RPH3A: variants seen among roughly 807,000 people sequenced by gnomAD.
The protein encoded by RPH3A is rabphilin-3A.
In RPH3A, 48 loss-of-function variants were observed where a neutral mutation model predicts 102.2. The observed-to-expected ratio is 0.47, with a 90% CI of 0.37 to 0.60. The LOEUF is 0.60. Among genes scored for constraint, RPH3A ranks in the 20% least tolerant of loss-of-function variants. The pLI, the probability that RPH3A is intolerant of heterozygous loss-of-function variation, is 0.00. For missense variants in RPH3A, 781 were observed against 910.1 expected, an observed-to-expected ratio of 0.86 and a Z score of 1.83; for synonymous variants, 310 against 324.3, an observed-to-expected ratio of 0.96 and a Z score of 0.47.
intron 1 of RPH3A, among the ~76,000 whole-genome samples, chr12:112,628,166 C>G (rs2086658707): frequency 6.6e-6 from 1 of 151,872 alleles, no homozygotes; most frequent in Admixed American, 6.6e-5. Flanking sequence ...GACACAAATC[C>G]AAACCATATC....
chr12:112,825,260 A>C (rs1271346805), intron 2 of RPH3A, among the ~76,000 whole-genome samples: 1 of 152,198 alleles, frequency 6.6e-6, no homozygotes, highest in Admixed American at 6.5e-5. Context: ...GATGATGTTA[A>C]CCACATGGGA....
At chr12:112,727,452 GACACAGACACACACAC>G (rs2040600534) in intron 1 of RPH3A, among the ~76,000 whole-genome samples, 16 of 51,734 alleles carry the variant, frequency 3.1e-4, no homozygotes, top group East Asian at 1.0e-3. Flanking sequence ...TACACACACA[GACACAGACACACACAC>G]ACACACACAC....
intron 1 of RPH3A, among the ~76,000 whole-genome samples, chr12:112,716,967 TA>T: frequency 6.6e-6 from 1 of 152,084 alleles, no homozygotes. Context: ...AAGAGTTGAT[TA>T]AATGAATAAT....
At chr12:112,668,166 G>A (rs2097557261) in intron 1 of RPH3A, among the ~76,000 whole-genome samples, 1 of 152,090 alleles carries the variant, frequency 6.6e-6, no homozygotes, top group Admixed American at 6.6e-5. Flanking sequence ...GATCCATGGT[G>A]GCAGGGATCA....
intron 5 of RPH3A, among the ~76,000 whole-genome samples, chr12:112,855,958 G>A (rs1225973616): frequency 1.3e-5 from 2 of 152,020 alleles, no homozygotes; most frequent in South Asian, 2.1e-4. Context: ...GAGACAGAGA[G>A]GGGCAACATG....
At chr12:112,756,581 A>T (rs2040824921) in intron 1 of RPH3A, among the ~76,000 whole-genome samples, 1 of 152,228 alleles carries the variant, frequency 6.6e-6, no homozygotes, top group Admixed American at 6.5e-5. Flanking sequence ...TACAATTATG[A>T]TATCTAAATT....
At chr12:112,614,092 T>G (rs2039659167) in intron 1 of RPH3A, among the ~76,000 whole-genome samples, 1 of 152,048 alleles carries the variant, frequency 6.6e-6, no homozygotes, top group Non-Finnish European at 1.5e-5. Flanking sequence ...AGAAATGGAT[T>G]CTCCCTTCAG....
At chr12:112,611,717 A>T (rs2039640379) in intron 1 of RPH3A, among the ~76,000 whole-genome samples, 1 of 152,012 alleles carries the variant, frequency 6.6e-6, no homozygotes, top group Admixed American at 6.6e-5. Flanking sequence ...AAGTGCTGGG[A>T]TTACAGGTAT....
chr12:112,577,712 T>C lies in RPH3A; in HGVS notation c.-140+2393T>C, dbSNP rs532931129. The stretch of plus-strand genomic sequence containing the variant: ...CTGACACCATCATGCCCACCTATTT[T>C]TTTTTTTTTTTGTAGAGATGGGGCC... On this transcript the variant is annotated intron_variant, in intron 1 of 21. Transcript: ENST00000543106. Among the ~76,000 whole-genome samples, 53 of 152,038 alleles carry C rather than the reference T, an allele frequency of 3.5e-4. No individual in the cohort carries two copies. In the East Asian group the frequency reaches 9.3e-3, roughly 27 times the overall value.
chr12:112,844,993 C>A (rs2042205918), intron 4 of RPH3A, among the ~76,000 whole-genome samples: 1 of 152,224 alleles, frequency 6.6e-6, no homozygotes, highest in Non-Finnish European at 1.5e-5. Flanking sequence ...TGGGCCTCTC[C>A]ATGGGGCTGT....
intron 1 of RPH3A, among the ~76,000 whole-genome samples, chr12:112,650,012 C>A (rs994050045): frequency 6.6e-6 from 1 of 152,192 alleles, no homozygotes; most frequent in Admixed American, 6.5e-5. Flanking sequence ...GTTGGGACTT[C>A]AACATGTGAA....
At chr12:112,891,343 C>T (rs1434366043) in intron 19 of RPH3A, among the ~76,000 whole-genome samples, 1 of 152,166 alleles carries the variant, frequency 6.6e-6, no homozygotes, top group East Asian at 1.9e-4. Context: ...CTCAGACCTC[C>T]ACCACCAAAG....
intron 20 of RPH3A, chr12:112,895,309 G>T (rs1251058988): frequency 6.5e-6 from 1 of 154,346 alleles, no homozygotes; most frequent in East Asian, 1.9e-4. Context: ...CACCATGTTG[G>T]TCAGGCTGGT....
intron 2 of RPH3A, among the ~76,000 whole-genome samples, chr12:112,804,383 C>T (rs1299126961): frequency 6.6e-6 from 1 of 152,204 alleles, no homozygotes; most frequent in East Asian, 1.9e-4. Flanking sequence ...GTGGTCACTG[C>T]ACCTGCTCCA....
intron 10 of RPH3A, among the ~76,000 whole-genome samples, chr12:112,873,187 G>T (rs1007344489): frequency 2.6e-5 from 4 of 152,014 alleles, no homozygotes; most frequent in African/African-American, 9.7e-5. Context: ...CTCTCTGCCG[G>T]GTATGTGATT....
chr12:112,672,041 T>C (rs956303825), intron 1 of RPH3A, among the ~76,000 whole-genome samples: 1 of 149,648 alleles, frequency 6.7e-6, no homozygotes, highest in African/African-American at 2.4e-5. Flanking sequence ...TATATATTTA[T>C]ATATATATAT....
upstream of RPH3A, among the ~76,000 whole-genome samples, chr12:112,790,019 A>G (rs1806160621): frequency 6.6e-6 from 1 of 151,570 alleles, no homozygotes; most frequent in Non-Finnish European, 1.5e-5. Context: ...TGATTGCACC[A>G]CTGCGCTCCA....
At chr12:112,699,945 A>G (rs1293673249) in intron 1 of RPH3A, among the ~76,000 whole-genome samples, 3 of 152,214 alleles carry the variant, frequency 2.0e-5, no homozygotes, top group Non-Finnish European at 4.4e-5. Context: ...GCCTAGCAAT[A>G]TGCCTGGCAC....
At chr12:112,774,022 TTG>T (rs1459286008) in intron 1 of RPH3A, among the ~76,000 whole-genome samples, 1 of 138,022 alleles carries the variant, frequency 7.2e-6, no homozygotes, top group Non-Finnish European at 1.5e-5. Context: ...GAGGCGGAGG[TTG>T]CAGTGAGCCG....
Sources: allele counts gnomAD v4.1 joint callset (sites outside exome capture counted in the v4.1 genomes callset), GRCh38; gene constraint gnomAD v4.1.1; transcripts MANE v1.5; gene names NCBI Gene and HGNC (gene_info 2026-07-23, HGNC 2026-07-21).